Variants in FHIT observed in about 807,000 individuals in gnomAD.
FHIT encodes fragile histidine triad diadenosine triphosphatase, also known as bis(5'-adenosyl)-triphosphatase.
In FHIT, 19 loss-of-function variants were observed where a neutral mutation model predicts 17.9. The observed-to-expected ratio is 1.06, with a 90% CI of 0.74 to 1.56. The LOEUF (loss-of-function observed/expected upper bound fraction) is 1.56, where lower values mean the gene tolerates loss of function less well. Among genes scored for constraint, FHIT ranks in the 40% most tolerant of loss-of-function variants. FHIT has a pLI of 0.00. For missense variants in FHIT, 248 were observed against 189.2 expected, an observed-to-expected ratio of 1.31 and a Z score of -1.82; for synonymous variants, 81 against 69.7, an observed-to-expected ratio of 1.16 and a Z score of -0.81.
At chr3:60,436,847 C>G (rs1215742800) in intron 5 of FHIT, among the ~76,000 whole-genome samples, 1 of 152,004 alleles carries the variant, frequency 6.6e-6, no homozygotes, top group Non-Finnish European at 1.5e-5. Flanking sequence ...AATGAATCAT[C>G]ATTAGAAAAT....
chr3:60,686,836 G>A (rs1396820705), intron 4 of FHIT, among the ~76,000 whole-genome samples: 1 of 152,132 alleles, frequency 6.6e-6, no homozygotes, highest in Non-Finnish European at 1.5e-5. Flanking sequence ...GGCCCTACCT[G>A]TGGCTTGACC....
chr3:60,943,759 A>G lies in FHIT; in HGVS notation c.-111+98288T>C, dbSNP rs569919820. Among the ~76,000 whole-genome samples, 351 of 152,306 alleles carry G rather than the reference A, an allele frequency of 2.3e-3. 3 individuals are homozygous for G. Among genetic ancestry groups the G allele is most frequent in the African/African-American group, 8.1e-3 (335 of 41,574 alleles). ...TACACTCATAATTTAGCTGTTCTCAATAAATAATTTAGACACATTGGCAAA... is the reference window on the plus strand; with the variant it reads ...TACACTCATAATTTAGCTGTTCTCAGTAAATAATTTAGACACATTGGCAAA... On this transcript the variant is annotated intron_variant, in intron 3 of 9. Coordinates refer to ENST00000492590, the MANE Select transcript of FHIT (RefSeq NM_002012.4).
chr3:60,548,829 CA>C (rs1454091787), intron 4 of FHIT, among the ~76,000 whole-genome samples: 1 of 152,136 alleles, frequency 6.6e-6, no homozygotes, highest in Non-Finnish European at 1.5e-5. Context: ...AGAACTTTCT[CA>C]AAAAACAAAT....
intron 2 of FHIT, among the ~76,000 whole-genome samples, chr3:61,059,192 C>T (rs1326165015): frequency 6.6e-6 from 1 of 152,134 alleles, no homozygotes; most frequent in African/African-American, 2.4e-5. Context: ...TAGTAACTTT[C>T]GTAAATGGTA....
intron 5 of FHIT, among the ~76,000 whole-genome samples, chr3:60,202,652 C>T (rs1445285111): frequency 2.6e-5 from 4 of 152,150 alleles, no homozygotes; most frequent in Non-Finnish European, 5.9e-5. Flanking sequence ...CATATCTTCA[C>T]AAATACTCAT....
chr3:61,003,703 A>G (rs1023822853), intron 3 of FHIT, among the ~76,000 whole-genome samples: 21 of 152,264 alleles, frequency 1.4e-4, no homozygotes, highest in Admixed American at 1.0e-3. Context: ...AATAGGTAAA[A>G]AAGTCCAAAG....
chr3:59,754,310 C>G (rs1043576560), intron 8 of FHIT, among the ~76,000 whole-genome samples: 1 of 152,158 alleles, frequency 6.6e-6, no homozygotes, highest in South Asian at 2.1e-4. Flanking sequence ...GCTGCCAGCA[C>G]GCTGATTTTA....
chr3:60,681,059 T>G (rs1358630112), intron 4 of FHIT, among the ~76,000 whole-genome samples: 2 of 152,238 alleles, frequency 1.3e-5, no homozygotes, highest in Non-Finnish European at 2.9e-5. Context: ...CTTGTTTTAC[T>G]GCACTTTGTT....
chr3:60,882,011 G>T (rs1162077613), intron 3 of FHIT, among the ~76,000 whole-genome samples: 1 of 151,708 alleles, frequency 6.6e-6, no homozygotes, highest in Non-Finnish European at 1.5e-5. Context: ...AACTAACCAA[G>T]AAAAATGTCC....
intron 3 of FHIT, among the ~76,000 whole-genome samples, chr3:61,003,262 A>C (rs2031220055): frequency 1.3e-5 from 2 of 152,212 alleles, no homozygotes; most frequent in South Asian, 2.1e-4. Flanking sequence ...GCAATCTGCA[A>C]AAGAAAAGCC....
intron 5 of FHIT, among the ~76,000 whole-genome samples, chr3:60,387,529 A>C (rs1485706841): frequency 6.6e-6 from 1 of 152,178 alleles, no homozygotes; most frequent in Non-Finnish European, 1.5e-5. Flanking sequence ...TGGATTTAAC[A>C]CAAGTCAAAA....
intron 5 of FHIT, among the ~76,000 whole-genome samples, chr3:60,501,645 C>T (rs1015808486): frequency 3.9e-5 from 6 of 152,244 alleles, no homozygotes; most frequent in East Asian, 3.9e-4. Context: ...TGGCAGAGTC[C>T]GGAATCTCCA....
chr3:60,259,552 G>C (rs532389805), intron 5 of FHIT, among the ~76,000 whole-genome samples: 1 of 152,102 alleles, frequency 6.6e-6, no homozygotes, highest in Non-Finnish European at 1.5e-5. Flanking sequence ...TTTTAAGGGA[G>C]TATCTTAAAA....
At chr3:60,682,065 G>C (rs552925866) in intron 4 of FHIT, among the ~76,000 whole-genome samples, 13 of 151,526 alleles carry the variant, frequency 8.6e-5, no homozygotes, top group African/African-American at 2.4e-4. Flanking sequence ...TCTGCCTCCC[G>C]GGTTCAAGCA....
intron 4 of FHIT, among the ~76,000 whole-genome samples, chr3:60,745,817 T>C (rs73836105): frequency 0.019 from 2,901 of 152,204 alleles, 101 homozygotes; most frequent in African/African-American, 0.065. Flanking sequence ...TAAAAACATT[T>C]AGAAAGACCA....
At chr3:60,345,170 T>C (rs1710714836) in intron 5 of FHIT, among the ~76,000 whole-genome samples, 1 of 151,914 alleles carries the variant, frequency 6.6e-6, no homozygotes, top group Non-Finnish European at 1.5e-5. Context: ...ACAGAGATGA[T>C]ATATGTTGTC....
intron 8 of FHIT, among the ~76,000 whole-genome samples, chr3:59,898,091 C>T (rs1023274581): frequency 4.6e-5 from 7 of 151,882 alleles, no homozygotes; most frequent in African/African-American, 9.7e-5. Context: ...TTTTGAGCAC[C>T]GACATGATGC....
At chr3:60,216,209 A>C (rs1458743481) in intron 5 of FHIT, among the ~76,000 whole-genome samples, 1 of 152,218 alleles carries the variant, frequency 6.6e-6, no homozygotes, top group East Asian at 1.9e-4. Context: ...ATACATTTCA[A>C]AAACAGAGAA....
At chr3:60,473,654 C>T (rs978913953) in intron 5 of FHIT, among the ~76,000 whole-genome samples, 4 of 152,184 alleles carry the variant, frequency 2.6e-5, no homozygotes, top group Non-Finnish European at 5.9e-5. Flanking sequence ...CGCAGTGGCT[C>T]ACGCCTGTAA....
Sources: allele counts gnomAD v4.1 joint callset (sites outside exome capture counted in the v4.1 genomes callset), GRCh38; gene constraint gnomAD v4.1.1; transcripts MANE v1.5; gene names NCBI Gene and HGNC (gene_info 2026-07-23, HGNC 2026-07-21).